Variants in HSD17B12 observed in about 807,000 individuals in gnomAD.
HSD17B12 encodes the protein hydroxysteroid 17-beta dehydrogenase 12.
A neutral mutation model predicts 39.3 loss-of-function variants in HSD17B12; 32 were observed. The ratio of observed to expected loss-of-function variants is 0.81; its 90% CI spans 0.61 to 1.09. The LOEUF (loss-of-function observed/expected upper bound fraction) is 1.09. Among genes scored for constraint, HSD17B12 ranks in the 50% least tolerant of loss-of-function variants. The pLI, the probability that HSD17B12 is intolerant of heterozygous loss-of-function variation, is 0.00. For synonymous variants in HSD17B12, 150 were observed against 146.7 expected, an observed-to-expected ratio of 1.02 and a Z score of -0.16; for missense variants, 342 against 382.9, an observed-to-expected ratio of 0.89 and a Z score of 0.89.
chr11:43,589,679 C>T, the HSD17B12 span, among the ~76,000 whole-genome samples: 1 of 152,092 alleles, frequency 6.6e-6, no homozygotes, highest in Non-Finnish European at 1.5e-5. Context: ...ATATGTCAAA[C>T]GTGGCCTAGA....
chr11:43,570,764 G>T, the HSD17B12 span, among the ~76,000 whole-genome samples: 1 of 152,296 alleles, frequency 6.6e-6, no homozygotes, highest in African/African-American at 2.4e-5. Flanking sequence ...AAAAAGTGTA[G>T]CTCTCTGAAA....
the HSD17B12 span, among the ~76,000 whole-genome samples, chr11:43,609,697 T>A: frequency 6.6e-6 from 1 of 152,070 alleles, no homozygotes. Context: ...CTACACCCTG[T>A]CTGGTAAAGA....
intron 9 of HSD17B12, 165 bp from the exon 10 acceptor site, chr11:43,854,550 T>C: frequency 1.5e-6 from 1 of 650,524 alleles, no homozygotes; most frequent in Non-Finnish European, 2.7e-6. Flanking sequence ...TATGGTATCA[T>C]GTGTTCTATC....
intron 3 of HSD17B12, among the ~76,000 whole-genome samples, chr11:43,789,344 A>C (rs563920540): frequency 6.6e-6 from 1 of 152,280 alleles, no homozygotes; most frequent in East Asian, 1.9e-4. Context: ...TATTTCTTGA[A>C]TTTATTCAAT....
intron 1 of HSD17B12, among the ~76,000 whole-genome samples, chr11:43,699,820 A>G (rs1949946441): frequency 6.6e-6 from 1 of 152,230 alleles, no homozygotes; most frequent in Non-Finnish European, 1.5e-5. Context: ...AGAAGATTTG[A>G]ATAGACATTT....
At chr11:43,816,998 C>CTA (rs1434544176) in intron 6 of HSD17B12, among the ~76,000 whole-genome samples, 1,455 of 52,762 alleles carry the variant, frequency 0.028, 59 homozygotes, top group African/African-American at 0.061. Flanking sequence ...ATATCTATAT[C>CTA]TATATCTATA....
intron 2 of HSD17B12, among the ~76,000 whole-genome samples, chr11:43,753,573 A>AT (rs1233540822): frequency 8.7e-4 from 123 of 140,952 alleles, no homozygotes; most frequent in Middle Eastern, 3.6e-3. Flanking sequence ...AAAAAAAAAA[A>AT]TTTTTTTTTT....
rs1268462113 is a variant in HSD17B12 at position 43,681,731 on chromosome 11, A to G, written c.160+744A>G. On this transcript the variant is annotated intron_variant, in intron 1 of 10. Transcript: ENST00000278353. ...AAAGTATACCCGTAAAGAGTGAACC[A>G]AACACATGGAACTTGTAGTCGGAGG... Among the ~76,000 whole-genome samples, 3 of 152,002 alleles carry G rather than the reference A, an allele frequency of 2.0e-5. No individual in the cohort carries two copies. In the East Asian group the frequency reaches 5.8e-4, roughly 29 times the overall value.
At chr11:43,601,682 A>G in the HSD17B12 span, among the ~76,000 whole-genome samples, 1 of 152,090 alleles carries the variant, frequency 6.6e-6, no homozygotes, top group Non-Finnish European at 1.5e-5. Context: ...CTTCAGATTC[A>G]TGTCCCATTC....
At chr11:43,689,050 CCAA>C (rs1949828886) in intron 1 of HSD17B12, among the ~76,000 whole-genome samples, 1 of 152,088 alleles carries the variant, frequency 6.6e-6, no homozygotes, top group Admixed American at 6.5e-5. Flanking sequence ...TATGAACAGA[CCAA>C]TTAGGAGATG....
At chr11:43,696,007 T>C (rs1332606178) in intron 1 of HSD17B12, among the ~76,000 whole-genome samples, 1 of 152,120 alleles carries the variant, frequency 6.6e-6, no homozygotes, top group African/African-American at 2.4e-5. Flanking sequence ...CCTTCCACCC[T>C]CCGAAAGGCC....
chr11:43,594,092 C>T, the HSD17B12 span, among the ~76,000 whole-genome samples: 2,946 of 152,078 alleles, frequency 0.019, 45 homozygotes, highest in Middle Eastern at 0.041. Context: ...AAAGGGGAAA[C>T]GGTCAATGCA....
chr11:43,734,464 G>A (rs1277303661), intron 1 of HSD17B12: 1 of 687,666 alleles, frequency 1.5e-6, no homozygotes, highest in East Asian at 2.9e-5. Context: ...TGATCGAGCT[G>A]TGTAAGCTGG....
At chr11:43,724,914 AGT>A (rs1435253628) in intron 1 of HSD17B12, among the ~76,000 whole-genome samples, 1 of 152,304 alleles carries the variant, frequency 6.6e-6, no homozygotes, top group Admixed American at 6.5e-5. Context: ...ATTTTTTAAC[AGT>A]GTATATTCAT....
the HSD17B12 span, among the ~76,000 whole-genome samples, chr11:43,659,681 A>G: frequency 6.6e-6 from 1 of 152,222 alleles, no homozygotes; most frequent in East Asian, 1.9e-4. Flanking sequence ...AAGCTACACA[A>G]AAGGAAGAAA....
intron 9 of HSD17B12, among the ~76,000 whole-genome samples, chr11:43,841,456 A>C (rs1951425135): frequency 3.3e-5 from 5 of 152,168 alleles, no homozygotes; most frequent in Admixed American, 6.6e-5. Flanking sequence ...AAATCCAAGA[A>C]ATGCTTGCCA....
chr11:43,599,104 A>G, the HSD17B12 span, among the ~76,000 whole-genome samples: 1 of 152,224 alleles, frequency 6.6e-6, no homozygotes, highest in Non-Finnish European at 1.5e-5. Flanking sequence ...CTATCTGCTC[A>G]ACGATCTATC....
rs1319660619 is a variant in HSD17B12, at chr11:43,772,131, GA to G, written c.283+18012del. The stretch of plus-strand genomic sequence containing the variant: ...AAAATTTTATCTGTTGGTTCATGTG[GA>G]AGTTTACCTTCATTTAGCATGGTTC... On this transcript the variant is annotated intron_variant, in intron 3 of 10. Coordinates refer to ENST00000278353, the MANE Select transcript of HSD17B12 (RefSeq NM_016142.3). Among the ~76,000 whole-genome samples, 6 of 152,114 alleles carry G rather than the reference GA, an allele frequency of 3.9e-5. No homozygotes were observed. The East Asian group carries it at 1.2e-3, about 29-fold the overall frequency.
At chr11:43,642,610 T>C in the HSD17B12 span, among the ~76,000 whole-genome samples, 64 of 151,806 alleles carry the variant, frequency 4.2e-4, 1 homozygote, top group South Asian at 0.013. Context: ...GAATAATATA[T>C]AAAATACGCT....
Sources: gnomAD v4.1 joint callset for allele counts (sites outside exome capture counted in the v4.1 genomes callset) on GRCh38, gnomAD v4.1.1 for gene constraint, MANE v1.5 for transcripts, NCBI Gene and HGNC (gene_info 2026-07-23, HGNC 2026-07-21) for gene names.